The following ZCCHC7 variants were observed in gnomAD, a reference collection of about 807,000 sequenced individuals.
ZCCHC7 encodes zinc finger CCHC domain-containing protein 7.
ZCCHC7 carries 35 observed loss-of-function variants against 52.0 expected under a neutral mutation model. The observed-to-expected ratio is 0.67, with a 90% CI of 0.51 to 0.89. The LOEUF (loss-of-function observed/expected upper bound fraction) is 0.89. ZCCHC7 is among the 40% of genes least tolerant of loss of function. The pLI is 0.00. For missense variants in ZCCHC7, 574 were observed against 649.1 expected, an observed-to-expected ratio of 0.88 and a Z score of 1.26; for synonymous variants, 217 against 221.5, an observed-to-expected ratio of 0.98 and a Z score of 0.18.
intron 2 of ZCCHC7, among the ~76,000 whole-genome samples, chr9:37,197,347 A>G (rs1425302991): frequency 6.6e-6 from 1 of 152,236 alleles, no homozygotes; most frequent in African/African-American, 2.4e-5. Context: ...AGGGAATAAT[A>G]TAAACATGCT....
chr9:37,279,381 G>A (rs969073209), intron 2 of ZCCHC7, among the ~76,000 whole-genome samples: 10 of 151,166 alleles, frequency 6.6e-5, no homozygotes, highest in Non-Finnish European at 1.2e-4. Context: ...AAAATGTAAA[G>A]GTATATTTCA....
intron 5 of ZCCHC7, among the ~76,000 whole-genome samples, chr9:37,325,137 T>C (rs1246549212): frequency 6.6e-6 from 1 of 152,224 alleles, no homozygotes; most frequent in East Asian, 1.9e-4. Flanking sequence ...CTGATTTATG[T>C]ATGGTTTATT....
Position 37,329,674 on chromosome 9 carries a change from C to A in ZCCHC7, c.987+1840C>A, listed in dbSNP as rs183849997. ...ATTATTTAAATTATCAGTATATGGACAATATCCAAATGTATGCAATGAAGC... is the reference window on the plus strand; with the variant it reads ...ATTATTTAAATTATCAGTATATGGAAAATATCCAAATGTATGCAATGAAGC... On this transcript the variant is annotated intron_variant, in intron 6 of 8. Coordinates refer to ENST00000336755, the MANE Select transcript of ZCCHC7 (RefSeq NM_032226.3). 3.6e-3 allele frequency among the ~76,000 whole-genome samples: 549 copies of A among 151,826 alleles called. 6 individuals are homozygous for A. Among genetic ancestry groups the A allele is most frequent in the Middle Eastern group, 6.8e-3 (2 of 294 alleles).
At chr9:37,291,993 A>G (rs1406199414) in intron 2 of ZCCHC7, among the ~76,000 whole-genome samples, 1 of 152,152 alleles carries the variant, frequency 6.6e-6, no homozygotes, top group Non-Finnish European at 1.5e-5. Flanking sequence ...GCGCCTGGCC[A>G]TGTTTTACAG....
intron 6 of ZCCHC7, among the ~76,000 whole-genome samples, chr9:37,344,706 A>G (rs988916934): frequency 1.3e-5 from 2 of 151,652 alleles, no homozygotes; most frequent in Non-Finnish European, 2.9e-5. Context: ...TTTGCATACT[A>G]TTTTTCGCTA....
At position 37,177,205 on chromosome 9, in the gene ZCCHC7, C is replaced by T. The variant is rs550604117; in HGVS notation, c.610+50263C>T. 6.6e-5 allele frequency among the ~76,000 whole-genome samples: 10 copies of T among 152,196 alleles called. No individual in the cohort carries two copies. The South Asian group carries it at 2.1e-3, about 32-fold the overall frequency. ...AAATACTTAGCTGGGTGTGGTGGCA[C>T]ACACCTGTAGTCCCAGCTACTTGAG... On this transcript the variant is annotated intron_variant, in intron 2 of 8. Coordinates refer to ENST00000336755, the MANE Select transcript of ZCCHC7 (RefSeq NM_032226.3).
intron 2 of ZCCHC7, among the ~76,000 whole-genome samples, chr9:37,291,177 A>G (rs904452824): frequency 6.6e-6 from 1 of 152,210 alleles, no homozygotes; most frequent in African/African-American, 2.4e-5. Context: ...TTGACAAAAC[A>G]TGTTTTCACA....
rs186239062 is a variant in ZCCHC7 at position 37,358,016 on chromosome 9, T to C, written c.*748T>C. 6.6e-6 allele frequency: 1 copy of C among 152,324 alleles called. No homozygotes were observed. The highest frequency in any genetic ancestry group is 2.4e-5 in the African/African-American group (1 of 41,584). The allele number at this position is 152,324 out of a possible 1,614,324, so 9.4% of individuals were successfully genotyped here. A position where few individuals can be genotyped will look rare whatever the true frequency, so the allele number is the denominator to read the frequency against. The stretch of plus-strand genomic sequence containing the variant: ...TCAGATCTGCAGAGATGAATATTAC[T>C]CAAAAAATTTTTTTGTTCTCTTGCA... On this transcript the variant is annotated 3_prime_UTR_variant, in exon 9 of 9. Coordinates refer to ENST00000336755, the MANE Select transcript of ZCCHC7 (RefSeq NM_032226.3).
In ZCCHC7 at chr9:37,357,351, T is replaced by C. The variant is rs2118735281; in HGVS notation, c.*83T>C. The stretch of plus-strand genomic sequence containing the variant: ...ACCTTCTGGCACTGTGTTTATTATC[T>C]ATGATTAAATAAAGTGAGTTTTTGG... On this transcript the variant is annotated 3_prime_UTR_variant, in exon 9 of 9. Transcript: ENST00000336755. 3 of 1,310,386 alleles carry C rather than the reference T, an allele frequency of 2.3e-6. No homozygotes were observed. Among genetic ancestry groups the C allele is most frequent in the Non-Finnish European group, 3.1e-6 (3 of 974,916 alleles). The allele number at this position is 1,310,386 out of a possible 1,614,324, so 81.2% of individuals were successfully genotyped here.
intron 2 of ZCCHC7, among the ~76,000 whole-genome samples, chr9:37,223,141 G>A (rs1465161376): frequency 6.7e-6 from 1 of 150,254 alleles, no homozygotes; most frequent in Non-Finnish European, 1.5e-5. Flanking sequence ...GCCCTGCTAC[G>A]CAAGGAACAG....
intron 2 of ZCCHC7, among the ~76,000 whole-genome samples, chr9:37,142,367 G>A (rs1843265849): frequency 1.3e-5 from 2 of 151,622 alleles, no homozygotes; most frequent in Non-Finnish European, 3.0e-5. Context: ...TTGGGAATTG[G>A]GGTAAGGGCA....
chr9:37,159,674 C>A (rs1238586639), intron 2 of ZCCHC7, among the ~76,000 whole-genome samples: 1 of 152,120 alleles, frequency 6.6e-6, no homozygotes, highest in Non-Finnish European at 1.5e-5. Flanking sequence ...CCGTTCTGTT[C>A]CTATAACATT....
intron 2 of ZCCHC7, among the ~76,000 whole-genome samples, chr9:37,159,720 A>G (rs1322838585): frequency 6.6e-6 from 1 of 152,180 alleles, no homozygotes; most frequent in Non-Finnish European, 1.5e-5. Flanking sequence ...AGTGTAGGAT[A>G]TTTTCAGCTT....
intron 2 of ZCCHC7, among the ~76,000 whole-genome samples, chr9:37,253,395 T>G (rs1189238420): frequency 1.3e-5 from 2 of 152,054 alleles, no homozygotes; most frequent in Non-Finnish European, 2.9e-5. Context: ...TTACATTGCT[T>G]CTTTAATGAA....
chr9:37,246,281 C>T (rs1197098643), intron 2 of ZCCHC7, among the ~76,000 whole-genome samples: 1 of 152,042 alleles, frequency 6.6e-6, no homozygotes, highest in African/African-American at 2.4e-5. Context: ...CAGAAAGGAA[C>T]TGGATATATG....
At chr9:37,328,742 G>A (rs1163563636) in intron 6 of ZCCHC7, among the ~76,000 whole-genome samples, 3 of 151,908 alleles carry the variant, frequency 2.0e-5, no homozygotes, top group Non-Finnish European at 4.4e-5. Flanking sequence ...TCTCCTTAGA[G>A]AAATAAAAAG....
rs144292491 is a variant in ZCCHC7 at position 37,312,644 on chromosome 9, G to A, written c.951+6930G>A. 8.3e-4 allele frequency among the ~76,000 whole-genome samples: 127 copies of A among 152,354 alleles called. 1 individual carries two copies. Among genetic ancestry groups the A allele is most frequent in the African/African-American group, 2.8e-3 (115 of 41,590 alleles). On this transcript the variant is annotated intron_variant, in intron 5 of 8. Coordinates refer to ENST00000336755, the MANE Select transcript of ZCCHC7 (RefSeq NM_032226.3). Reference sequence around the variant, plus strand: ...TAAGAAATAATATAGAGGGCTGGGCGCAGTGGCTCATGCCAGTAACCACAA... The same window carrying A: ...TAAGAAATAATATAGAGGGCTGGGCACAGTGGCTCATGCCAGTAACCACAA...
chr9:37,223,786 G>A (rs1402535677), intron 2 of ZCCHC7, among the ~76,000 whole-genome samples: 1 of 152,104 alleles, frequency 6.6e-6, no homozygotes, highest in Non-Finnish European at 1.5e-5. Context: ...ATGTTTAATA[G>A]TAATGAATTG....
At chr9:37,272,716 T>C (rs1342196065) in intron 2 of ZCCHC7, among the ~76,000 whole-genome samples, 6 of 152,230 alleles carry the variant, frequency 3.9e-5, no homozygotes, top group South Asian at 2.1e-4. Flanking sequence ...TTACTGTATA[T>C]TCATGTATGT....
Sources: allele counts gnomAD v4.1 joint callset (sites outside exome capture counted in the v4.1 genomes callset), GRCh38; gene constraint gnomAD v4.1.1; transcripts MANE v1.5; gene names NCBI Gene and HGNC (gene_info 2026-07-23, HGNC 2026-07-21).